The following DOCK1 variants were observed in gnomAD, a reference collection of about 807,000 sequenced individuals.
DOCK1 encodes the protein dedicator of cytokinesis 1.
Under a neutral mutation model 262.7 loss-of-function variants are expected in DOCK1, and 138 were observed. The ratio of observed to expected loss-of-function variants is 0.53; its 90% CI spans 0.46 to 0.61. The LOEUF (loss-of-function observed/expected upper bound fraction) is 0.61, where lower values mean the gene tolerates loss of function less well. Ranked by LOEUF, DOCK1 falls within the 20% of genes least tolerant of loss-of-function variation. The pLI, the probability that DOCK1 is intolerant of heterozygous loss-of-function variation, is 0.00. For synonymous variants in DOCK1, 866 were observed against 867.4 expected, an observed-to-expected ratio of 1.00 and a Z score of 0.03; for missense variants, 1,908 against 2,370.7, an observed-to-expected ratio of 0.80 and a Z score of 4.05.
At chr10:127,257,261 TC>T in intron 28 of DOCK1, 73 bp from the exon 29 acceptor site, 1 of 1,197,696 alleles carries the variant, frequency 8.3e-7, no homozygotes, top group Non-Finnish European at 1.2e-6. Flanking sequence ...TATTTTATAA[TC>T]TAATTGACAG....
rs970707133 is a variant in DOCK1 at position 126,945,841 on chromosome 10, G to A, written c.47-24861G>A. Among the ~76,000 whole-genome samples the A allele has an allele frequency of 7.9e-4, 120 of 152,264 alleles. 1 individual carries two copies. Among genetic ancestry groups the A allele is most frequent in the African/African-American group, 2.8e-3 (116 of 41,558 alleles). On this transcript the variant is annotated intron_variant, in intron 1 of 51. Coordinates refer to ENST00000623213, the MANE Select transcript of DOCK1 (RefSeq NM_001290223.2). ...TTGCTGATGCAGGCAGTTCAGTGTCGGAGTGGCCAAGAGCAGGGGGTTTTG... is the reference window on the plus strand; with the variant it reads ...TTGCTGATGCAGGCAGTTCAGTGTCAGAGTGGCCAAGAGCAGGGGGTTTTG...
At chr10:127,085,492 G>C (rs1312320921) in intron 23 of DOCK1, among the ~76,000 whole-genome samples, 6 of 152,198 alleles carry the variant, frequency 3.9e-5, no homozygotes, top group Admixed American at 3.3e-4. Context: ...GGGCGCGGTG[G>C]CTCATGCCTG....
chr10:127,061,557 C>A (rs866076949), intron 22 of DOCK1, 111 bp from the exon 23 acceptor site: 22 of 876,118 alleles, frequency 2.5e-5, no homozygotes, highest in Middle Eastern at 2.2e-4. Flanking sequence ...AGGATGTGGT[C>A]TCTCATTCTA....
chr10:127,096,523 A>G (rs2047919949), intron 23 of DOCK1, among the ~76,000 whole-genome samples: 1 of 152,164 alleles, frequency 6.6e-6, no homozygotes, highest in South Asian at 2.1e-4. Context: ...TGCTTCATAC[A>G]TTATTCAAGA....
At chr10:127,278,231 A>G (rs2060816112) in intron 29 of DOCK1, among the ~76,000 whole-genome samples, 1 of 152,098 alleles carries the variant, frequency 6.6e-6, no homozygotes, top group South Asian at 2.1e-4. Flanking sequence ...GAGTCACTGT[A>G]GTTACCTTTT....
At chr10:127,346,796 A>T (rs1476722953) in intron 31 of DOCK1, among the ~76,000 whole-genome samples, 1 of 152,194 alleles carries the variant, frequency 6.6e-6, no homozygotes, top group Non-Finnish European at 1.5e-5. Flanking sequence ...TGTCACAACG[A>T]TAGCAACAGG....
At chr10:126,955,935 C>T (rs1001385594) in intron 1 of DOCK1, among the ~76,000 whole-genome samples, 2,303 of 152,240 alleles carry the variant, frequency 0.015, 29 homozygotes, top group Non-Finnish European at 0.026. Flanking sequence ...TTGAGGGTAG[C>T]CTTTGGGTGA....
At chr10:127,006,820 G>A (rs56349905) in intron 10 of DOCK1, among the ~76,000 whole-genome samples, 18,393 of 152,120 alleles carry the variant, frequency 0.12, 1,371 homozygotes, top group East Asian at 0.3. Flanking sequence ...TCCCATGGCA[G>A]AGCAGAGCTC....
intron 1 of DOCK1, among the ~76,000 whole-genome samples, chr10:126,910,527 T>C (rs2031614453): frequency 6.6e-6 from 1 of 152,222 alleles, no homozygotes; most frequent in Admixed American, 6.5e-5. Context: ...TATTTTCAGA[T>C]GATTGCATTA....
At chr10:127,081,919 G>A (rs950929311) in intron 23 of DOCK1, among the ~76,000 whole-genome samples, 8 of 152,174 alleles carry the variant, frequency 5.3e-5, no homozygotes, top group East Asian at 1.9e-4. Context: ...CGCCACCCCA[G>A]TGATCTCCCT....
At chr10:127,142,406 T>C (rs2051351682) in intron 27 of DOCK1, among the ~76,000 whole-genome samples, 1 of 152,096 alleles carries the variant, frequency 6.6e-6, no homozygotes, top group African/African-American at 2.4e-5. Flanking sequence ...GCTGGAGGGA[T>C]CTGGTGTTTG....
intron 1 of DOCK1, among the ~76,000 whole-genome samples, chr10:126,920,544 A>G (rs951286960): frequency 1.3e-5 from 2 of 152,270 alleles, no homozygotes; most frequent in Admixed American, 6.5e-5. Context: ...TGAAAAGCCA[A>G]TGAAATCAAA....
At chr10:127,096,524 T>C (rs1345709806) in intron 23 of DOCK1, among the ~76,000 whole-genome samples, 2 of 152,174 alleles carry the variant, frequency 1.3e-5, no homozygotes, top group Admixed American at 1.3e-4. Context: ...GCTTCATACA[T>C]TATTCAAGAA....
intron 19 of DOCK1, among the ~76,000 whole-genome samples, chr10:127,039,807 A>T (rs2043898503): frequency 6.6e-6 from 1 of 152,164 alleles, no homozygotes; most frequent in Non-Finnish European, 1.5e-5. Context: ...GAGAGATGGC[A>T]TTGCTTGGTA....
Position 127,046,308 on chromosome 10 carries a change from A to G in DOCK1, c.2201+3144A>G, listed in dbSNP as rs79829051. On this transcript the variant is annotated intron_variant, in intron 21 of 51. Coordinates refer to ENST00000623213, the MANE Select transcript of DOCK1 (RefSeq NM_001290223.2). ...ATATGGCAAGGTGTGTTTTCCAGCC[A>G]ATGGAGATGGACACCGTAGCAGGAG... Among the ~76,000 whole-genome samples, 667 of 152,314 alleles carry G rather than the reference A, an allele frequency of 4.4e-3. 1 individual carries two copies. The highest frequency in any genetic ancestry group is 0.014 in the African/African-American group (590 of 41,560).
intron 25 of DOCK1, among the ~76,000 whole-genome samples, chr10:127,114,035 G>A (rs1352774017): frequency 1.3e-5 from 2 of 152,148 alleles, no homozygotes; most frequent in African/African-American, 4.8e-5. Context: ...TCTTCCAAGA[G>A]GCCTGTGATT....
At chr10:127,363,004 C>CAT (rs1177212036) in intron 33 of DOCK1, among the ~76,000 whole-genome samples, 3 of 52,630 alleles carry the variant, frequency 5.7e-5, no homozygotes, top group African/African-American at 2.0e-4. Context: ...CACACACACA[C>CAT]GCACATCCCC....
At chr10:127,051,616 CTT>C (rs1197059274) in intron 21 of DOCK1, among the ~76,000 whole-genome samples, 1 of 152,178 alleles carries the variant, frequency 6.6e-6, no homozygotes, top group Admixed American at 6.5e-5. Context: ...AGGTTTCACT[CTT>C]GTCGTCCATG....
chr10:127,034,035 A>G (rs1052084805), intron 18 of DOCK1, among the ~76,000 whole-genome samples: 4 of 152,134 alleles, frequency 2.6e-5, no homozygotes, highest in African/African-American at 4.8e-5. Context: ...AGCATATGAA[A>G]AGCCTTACCT....
Sources: allele counts gnomAD v4.1 joint callset (sites outside exome capture counted in the v4.1 genomes callset), GRCh38; gene constraint gnomAD v4.1.1; transcripts MANE v1.5; gene names NCBI Gene and HGNC (gene_info 2026-07-23, HGNC 2026-07-21).